NPAS3: variants seen among roughly 807,000 people sequenced by gnomAD.
The protein encoded by NPAS3 is neuronal PAS domain protein 3.
NPAS3 carries 14 observed loss-of-function variants against 73.1 expected under a neutral mutation model. That is an observed-to-expected ratio of 0.19 (90% CI 0.13 to 0.30). NPAS3 has a LOEUF of 0.30. NPAS3 is among the 10% of genes least tolerant of loss of function. The pLI, the probability that NPAS3 is intolerant of heterozygous loss-of-function variation, is 1.00. For missense variants in NPAS3, 1,096 were observed against 1,250.0 expected, an observed-to-expected ratio of 0.88 and a Z score of 1.86; for synonymous variants, 620 against 541.5, an observed-to-expected ratio of 1.14 and a Z score of -2.01.
At chr14:33,370,390 A>G (rs2046034855) in intron 4 of NPAS3, among the ~76,000 whole-genome samples, 1 of 152,200 alleles carries the variant, frequency 6.6e-6, no homozygotes, top group Non-Finnish European at 1.5e-5. Flanking sequence ...ACACAAAAGC[A>G]TGTAAACAAG....
intron 7 of NPAS3, among the ~76,000 whole-genome samples, chr14:33,750,059 A>G (rs1390537986): frequency 6.6e-6 from 1 of 152,136 alleles, no homozygotes; most frequent in African/African-American, 2.4e-5. Flanking sequence ...TGCTAGTGAA[A>G]ATTCATAGGC....
At chr14:33,392,731 T>C (rs1609494) in intron 4 of NPAS3, among the ~76,000 whole-genome samples, 38,756 of 151,988 alleles carry the variant, frequency 0.25, 5,277 homozygotes, top group African/African-American at 0.29. Context: ...TCAGAACAAA[T>C]ACAGATTTTA....
intron 3 of NPAS3, among the ~76,000 whole-genome samples, chr14:33,315,124 A>G (rs1488324374): frequency 6.6e-6 from 1 of 152,058 alleles, no homozygotes; most frequent in African/African-American, 2.4e-5. Flanking sequence ...TTCTTGGAGG[A>G]AATAATTGAA....
At chr14:33,174,125 T>G (rs944713238) in intron 2 of NPAS3, among the ~76,000 whole-genome samples, 38 of 152,336 alleles carry the variant, frequency 2.5e-4, no homozygotes, top group African/African-American at 9.1e-4. Flanking sequence ...TTGATTTAAT[T>G]AATAGTCTAT....
chr14:33,021,755 TAATA>T (rs1244247002), intron 1 of NPAS3, among the ~76,000 whole-genome samples: 2 of 152,204 alleles, frequency 1.3e-5, no homozygotes, highest in Non-Finnish European at 2.9e-5. Context: ...TTAACTTAGG[TAATA>T]AATAAAATAT....
At chr14:33,526,037 A>G (rs1445907912) in intron 4 of NPAS3, among the ~76,000 whole-genome samples, 2 of 152,194 alleles carry the variant, frequency 1.3e-5, no homozygotes, top group Non-Finnish European at 2.9e-5. Context: ...TCAGCAACCT[A>G]GAAAAGATTT....
chr14:33,238,872 A>G (rs184802441), intron 3 of NPAS3, among the ~76,000 whole-genome samples: 6 of 152,062 alleles, frequency 3.9e-5, no homozygotes, highest in Admixed American at 3.9e-4. Context: ...ATGTCTGGTA[A>G]TTTAGTCAGC....
intron 1 of NPAS3, among the ~76,000 whole-genome samples, chr14:33,039,673 A>C (rs1257529727): frequency 6.6e-6 from 1 of 152,226 alleles, no homozygotes; most frequent in Non-Finnish European, 1.5e-5. Context: ...TTCTGTCTAA[A>C]ACTGGTGCTG....
rs192723955 is a variant in NPAS3, at chr14:33,116,530, A to G, written c.140+60536A>G. On this transcript the variant is annotated intron_variant, in intron 2 of 11. Transcript: ENST00000356141. ...AAATAACTTATAAGACATTACTAAGATAAGTGCTATATTATAGCAATGCTA... is the reference window on the plus strand; with the variant it reads ...AAATAACTTATAAGACATTACTAAGGTAAGTGCTATATTATAGCAATGCTA... Among the ~76,000 whole-genome samples the G allele has an allele frequency of 3.0e-4, 46 of 152,258 alleles. 1 individual carries two copies. The highest frequency in any genetic ancestry group is 2.7e-3 in the Admixed American group (41 of 15,284).
intron 3 of NPAS3, among the ~76,000 whole-genome samples, chr14:33,216,163 G>T (rs2047216127): frequency 6.6e-6 from 1 of 152,052 alleles, no homozygotes; most frequent in Admixed American, 6.6e-5. Flanking sequence ...GTCTTTAAGG[G>T]TATTCTATTC....
chr14:33,062,415 G>A (rs1197668398), intron 2 of NPAS3, among the ~76,000 whole-genome samples: 1 of 152,156 alleles, frequency 6.6e-6, no homozygotes, highest in African/African-American at 2.4e-5. Context: ...GGATCTGTCT[G>A]CAAACTCATT....
chr14:33,118,916 G>A (rs1247197351), intron 2 of NPAS3, among the ~76,000 whole-genome samples: 3 of 151,476 alleles, frequency 2.0e-5, no homozygotes, highest in Non-Finnish European at 4.4e-5. Context: ...TTGCCATGGG[G>A]ATTTTATTTA....
At chr14:33,062,541 A>G (rs1356459093) in intron 2 of NPAS3, among the ~76,000 whole-genome samples, 1 of 152,178 alleles carries the variant, frequency 6.6e-6, no homozygotes, top group East Asian at 1.9e-4. Flanking sequence ...ATGATTTAGA[A>G]TGAAAGAATA....
At chr14:33,590,477 G>C (rs184671176) in intron 5 of NPAS3, among the ~76,000 whole-genome samples, 107 of 152,222 alleles carry the variant, frequency 7.0e-4, no homozygotes, top group Middle Eastern at 3.4e-3. Context: ...AGATTTGGGG[G>C]GTGGTTGGTT....
chr14:33,184,757 G>T (rs2045923783), intron 2 of NPAS3, among the ~76,000 whole-genome samples: 1 of 152,120 alleles, frequency 6.6e-6, no homozygotes. Context: ...ACAGGATGCT[G>T]CCCGGTGTTC....
intron 3 of NPAS3, among the ~76,000 whole-genome samples, chr14:33,233,637 AT>A (rs2047931511): frequency 6.6e-6 from 1 of 152,134 alleles, no homozygotes; most frequent in Admixed American, 6.6e-5. Context: ...GTATGTAATG[AT>A]TGACAATAAA....
chr14:33,447,904 G>C (rs969528216), intron 4 of NPAS3, among the ~76,000 whole-genome samples: 1 of 152,034 alleles, frequency 6.6e-6, no homozygotes, highest in Non-Finnish European at 1.5e-5. Flanking sequence ...GAAAAAGTGA[G>C]ACCCTATCTC....
chr14:33,705,960 G>A (rs569441883), intron 6 of NPAS3, among the ~76,000 whole-genome samples: 87 of 152,196 alleles, frequency 5.7e-4, no homozygotes, highest in African/African-American at 1.7e-3. Flanking sequence ...AATGACCAAC[G>A]AAAAATGCAT....
chr14:33,683,377 A>G (rs914285846), intron 6 of NPAS3, among the ~76,000 whole-genome samples: 7 of 149,416 alleles, frequency 4.7e-5, no homozygotes, highest in Admixed American at 1.3e-4. Context: ...GCAAGTTTCT[A>G]CAATGAAACC....
Sources: allele counts gnomAD v4.1 joint callset (sites outside exome capture counted in the v4.1 genomes callset), GRCh38; gene constraint gnomAD v4.1.1; transcripts MANE v1.5; gene names NCBI Gene and HGNC (gene_info 2026-07-23, HGNC 2026-07-21).